Variants in SORBS2 observed in about 807,000 individuals in gnomAD.
SORBS2 encodes sorbin and SH3 domain containing 2, also known as sorbin and SH3 domain-containing protein 2.
In SORBS2, 46 loss-of-function variants were observed where a neutral mutation model predicts 97.7. The ratio of observed to expected loss-of-function variants is 0.47; its 90% CI spans 0.37 to 0.60. The LOEUF (loss-of-function observed/expected upper bound fraction) is 0.60. Ranked by LOEUF, SORBS2 falls within the 20% of genes least tolerant of loss-of-function variation. SORBS2 has a pLI of 0.00. For synonymous variants in SORBS2, 476 were observed against 473.4 expected (o/e 1.01, Z -0.07); for missense variants, 1,316 against 1,282.3 (o/e 1.03, Z -0.40).
chr4:185,661,828 C>T (rs114667471), upstream of SORBS2, among the ~76,000 whole-genome samples: 3,477 of 152,332 alleles, frequency 0.023, 47 homozygotes, highest in Middle Eastern at 0.027. Context: ...GGCACAAACC[C>T]CCTTGCCCTA....
chr4:185,797,262 C>T (rs563873270), intron 1 of SORBS2, among the ~76,000 whole-genome samples: 10 of 152,298 alleles, frequency 6.6e-5, no homozygotes, highest in African/African-American at 1.7e-4. Context: ...TTACATCCCT[C>T]GCTCATTTCT....
At chr4:185,827,303 C>CCAT (rs1561211191) in intron 1 of SORBS2, among the ~76,000 whole-genome samples, 2 of 25,020 alleles carry the variant, frequency 8.0e-5, no homozygotes, top group Non-Finnish European at 1.8e-4. Flanking sequence ...ATCATCATCA[C>CCAT]CATCATCACC....
At chr4:185,890,812 A>G (rs909865333) in intron 1 of SORBS2, among the ~76,000 whole-genome samples, 11 of 152,168 alleles carry the variant, frequency 7.2e-5, no homozygotes, top group African/African-American at 2.7e-4. Context: ...GTGGCTCCAT[A>G]TGTGTGGAAT....
At chr4:185,932,242 G>T (rs66566645) in intron 1 of SORBS2, among the ~76,000 whole-genome samples, 1 of 151,404 alleles carries the variant, frequency 6.6e-6, no homozygotes, top group Non-Finnish European at 1.5e-5. Flanking sequence ...AGCTACGAAG[G>T]GGGCAGTGGA....
chr4:185,660,652 C>T (rs570073455), upstream of SORBS2, among the ~76,000 whole-genome samples: 16 of 152,300 alleles, frequency 1.1e-4, no homozygotes, highest in East Asian at 2.1e-3. Flanking sequence ...CCTGAATAAA[C>T]GAACAGCATC....
chr4:185,823,620 T>C (rs13132552), intron 1 of SORBS2, among the ~76,000 whole-genome samples: 99,266 of 151,332 alleles, frequency 0.66, 32,994 homozygotes, highest in Non-Finnish European at 0.68. Context: ...TGATATGTTC[T>C]GTGGAGGAAG....
At chr4:185,794,883 G>T (rs67432506) in intron 1 of SORBS2, among the ~76,000 whole-genome samples, 1 of 152,030 alleles carries the variant, frequency 6.6e-6, no homozygotes, top group Non-Finnish European at 1.5e-5. Context: ...CAGACCTCTG[G>T]CCTGGGGAGA....
intron 7 of SORBS2, 73 bp downstream of exon 19, chr4:185,622,841 T>G (rs1045200435): frequency 2.8e-6 from 4 of 1,442,322 alleles, no homozygotes; most frequent in Non-Finnish European, 3.7e-6. Flanking sequence ...TGATGAGATG[T>G]TGGAATGGAA....
intron 2 of SORBS2, among the ~76,000 whole-genome samples, chr4:185,754,218 G>T (rs907625026): frequency 1.3e-5 from 2 of 152,132 alleles, no homozygotes; most frequent in Non-Finnish European, 2.9e-5. Flanking sequence ...AATTCTACAT[G>T]TTCTCAAGTA....
At chr4:185,790,927 G>A (rs191881257) in intron 1 of SORBS2, among the ~76,000 whole-genome samples, 15 of 152,260 alleles carry the variant, frequency 9.9e-5, no homozygotes, top group Admixed American at 4.6e-4. Context: ...TTGGTACTTA[G>A]CTATGAATAT....
chr4:185,699,599 A>C (rs1274581801), intron 2 of SORBS2, among the ~76,000 whole-genome samples: 1 of 152,120 alleles, frequency 6.6e-6, no homozygotes, highest in Non-Finnish European at 1.5e-5. Context: ...AATGTATCTT[A>C]AATTGTACAT....
In SORBS2 at chr4:185,802,244, T is replaced by C. The variant is rs1311161071; in HGVS notation, c.-337-26878A>G. Reference sequence around the variant, plus strand: ...ATTATATCTGCCTTATAGCACTCCATCACCTTCTATCTTAAATTACAGTAA... The same window carrying C: ...ATTATATCTGCCTTATAGCACTCCACCACCTTCTATCTTAAATTACAGTAA... On this transcript the variant is annotated intron_variant, in intron 1 of 20. Transcript: ENST00000284776. Among the ~76,000 whole-genome samples, 3 of 152,210 alleles carry C rather than the reference T, an allele frequency of 2.0e-5. No homozygotes were observed. The East Asian group carries it at 5.8e-4, about 29-fold the overall frequency.
At position 185,868,159 on chromosome 4, in the gene SORBS2, C is replaced by CTT. The variant is rs112680775; in HGVS notation, c.-338+88035_-338+88036dup. 7.6e-5 allele frequency among the ~76,000 whole-genome samples: 8 copies of CTT among 105,220 alleles called. 1 individual carries two copies. The highest frequency in any genetic ancestry group is 6.4e-4 in the South Asian group (2 of 3,120). The allele number at this position is 105,220 out of a possible 152,430, so 69.0% of individuals were successfully genotyped here. On this transcript the variant is annotated intron_variant, in intron 1 of 20. Transcript: ENST00000284776. The stretch of plus-strand genomic sequence containing the variant: ...TCTCTTTTCTTTTCTTTTTTTCTTT[C>CTT]TTTTTTTTTTTTTTTGAGGCAGAGT...
chr4:185,865,142 A>G (rs1399132199), intron 1 of SORBS2, among the ~76,000 whole-genome samples: 3 of 152,182 alleles, frequency 2.0e-5, no homozygotes, highest in Non-Finnish European at 2.9e-5. Context: ...CCTGTCTTTG[A>G]TATGGCTGCC....
chr4:185,610,765 G>A (rs1263633210), intron 12 of SORBS2, among the ~76,000 whole-genome samples: 1 of 151,954 alleles, frequency 6.6e-6, no homozygotes, highest in Admixed American at 6.6e-5. Flanking sequence ...ACCAGCTCTC[G>A]ATGGTTTAGC....
At chr4:185,912,987 T>C (rs1224656226) in intron 1 of SORBS2, among the ~76,000 whole-genome samples, 1 of 146,206 alleles carries the variant, frequency 6.8e-6, no homozygotes, top group Admixed American at 7.1e-5. Flanking sequence ...ATGATGAACA[T>C]TTTGTAATTC....
At chr4:185,657,286 A>G (rs1210209367), upstream of SORBS2, 1 of 687,874 alleles carries the variant, frequency 1.5e-6, no homozygotes, top group Non-Finnish European at 2.2e-6. Flanking sequence ...ACACAGCATA[A>G]CATTCATGAG....
At chr4:185,940,729 G>C (rs1455370472) in intron 1 of SORBS2, among the ~76,000 whole-genome samples, 1 of 152,128 alleles carries the variant, frequency 6.6e-6, no homozygotes. Flanking sequence ...CTTTGCTGTT[G>C]CCTCTACAGA....
At chr4:185,630,166 A>G (rs927918117) in intron 5 of SORBS2, among the ~76,000 whole-genome samples, 1 of 152,194 alleles carries the variant, frequency 6.6e-6, no homozygotes, top group African/African-American at 2.4e-5. Context: ...TGGTCAAAGT[A>G]TGATTAACAA....
Sources: allele counts gnomAD v4.1 joint callset (sites outside exome capture counted in the v4.1 genomes callset), GRCh38; gene constraint gnomAD v4.1.1; transcripts MANE v1.5; gene names NCBI Gene and HGNC (gene_info 2026-07-23, HGNC 2026-07-21).